Variants in SIL1 observed in about 807,000 individuals in gnomAD.
SIL1 encodes the protein SIL1 nucleotide exchange factor.
SIL1 carries 40 observed loss-of-function variants against 49.1 expected under a neutral mutation model. That is an observed-to-expected ratio of 0.81 (90% CI 0.63 to 1.06). SIL1 has a LOEUF of 1.06. SIL1 is among the 50% of genes least tolerant of loss of function. The pLI, the probability that SIL1 is intolerant of heterozygous loss-of-function variation, is 0.00. For missense variants in SIL1, 500 were observed against 572.6 expected, an observed-to-expected ratio of 0.87 and a Z score of 1.29; for synonymous variants, 253 against 250.8, an observed-to-expected ratio of 1.01 and a Z score of -0.08.
intron 7 of SIL1, among the ~76,000 whole-genome samples, chr5:139,001,903 A>G (rs1055310714): frequency 4.2e-5 from 6 of 142,940 alleles, no homozygotes; most frequent in Non-Finnish European, 9.3e-5. Flanking sequence ...GACTCCGTCT[A>G]AAAAAAAAAA....
intron 3 of SIL1, among the ~76,000 whole-genome samples, chr5:139,106,252 T>C (rs1315603624): frequency 6.6e-6 from 1 of 152,270 alleles, no homozygotes. Flanking sequence ...TTGGGGCCAC[T>C]GGCTATTCAA....
At chr5:139,140,614 A>G (rs981826144) in intron 1 of SIL1, among the ~76,000 whole-genome samples, 1 of 152,166 alleles carries the variant, frequency 6.6e-6, no homozygotes, top group Non-Finnish European at 1.5e-5. Flanking sequence ...ATGCCTCTCA[A>G]CACAGCTCAG....
intron 7 of SIL1, among the ~76,000 whole-genome samples, chr5:138,998,616 C>T: frequency 6.6e-6 from 1 of 152,174 alleles, no homozygotes. Flanking sequence ...ACAAGTGTCT[C>T]ACATGGTGAC....
chr5:139,146,765 AC>A (rs890728773), intron 1 of SIL1, among the ~76,000 whole-genome samples: 41 of 152,224 alleles, frequency 2.7e-4, no homozygotes, highest in Admixed American at 2.4e-3. Context: ...TTTACCTTTA[AC>A]CTATTAATGT....
chr5:139,094,337 A>G (rs1258034204), intron 3 of SIL1, among the ~76,000 whole-genome samples: 5 of 152,344 alleles, frequency 3.3e-5, no homozygotes. Flanking sequence ...GTTATGAGCC[A>G]AGCACAGCCC....
At chr5:139,122,908 T>C (rs1324604285) in intron 2 of SIL1, among the ~76,000 whole-genome samples, 1 of 152,192 alleles carries the variant, frequency 6.6e-6, no homozygotes, top group East Asian at 1.9e-4. Flanking sequence ...CTTAAGATGC[T>C]GGAATAACTC....
At chr5:139,191,277 A>C (rs1051442338) in intron 1 of SIL1, among the ~76,000 whole-genome samples, 2 of 150,286 alleles carry the variant, frequency 1.3e-5, no homozygotes, top group African/African-American at 4.9e-5. Flanking sequence ...CAACTTACTT[A>C]TGAGCTGGCC....
chr5:139,193,780 A>C (rs1485372577), intron 1 of SIL1, among the ~76,000 whole-genome samples: 1 of 152,194 alleles, frequency 6.6e-6, no homozygotes, highest in Non-Finnish European at 1.5e-5. Context: ...TTTGGCACTA[A>C]AAGTCCCACA....
intron 7 of SIL1, among the ~76,000 whole-genome samples, chr5:139,002,034 A>G (rs1444314502): frequency 1.3e-5 from 2 of 152,090 alleles, no homozygotes; most frequent in Non-Finnish European, 2.9e-5. Context: ...AACATGGTGA[A>G]ACCCTGTCTC....
At chr5:139,174,937 C>CAAAAAAAAAAAA (rs56959325) in intron 1 of SIL1, among the ~76,000 whole-genome samples, 2 of 59,848 alleles carry the variant, frequency 3.3e-5, no homozygotes, top group Non-Finnish European at 5.8e-5. Flanking sequence ...GACTGTGTCT[C>CAAAAAAAAAAAA]AAAAAAAAAA....
At chr5:139,028,853 G>A (rs1369409979) in intron 5 of SIL1, among the ~76,000 whole-genome samples, 4 of 152,112 alleles carry the variant, frequency 2.6e-5, no homozygotes, top group Non-Finnish European at 5.9e-5. Context: ...CTAGAGAACT[G>A]TCCCACCATG....
chr5:139,162,907 C>G (rs1465688749), intron 1 of SIL1, among the ~76,000 whole-genome samples: 1 of 151,780 alleles, frequency 6.6e-6, no homozygotes, highest in African/African-American at 2.4e-5. Flanking sequence ...TCACTTTATA[C>G]CAGATAAAAG....
intron 1 of SIL1, among the ~76,000 whole-genome samples, chr5:139,138,702 G>T (rs570860974): frequency 6.6e-6 from 1 of 152,156 alleles, no homozygotes; most frequent in African/African-American, 2.4e-5. Context: ...ATGACATAGA[G>T]CATATAGCAC....
At chr5:139,086,649 G>A (rs955018700) in intron 3 of SIL1, among the ~76,000 whole-genome samples, 149 of 150,332 alleles carry the variant, frequency 9.9e-4, no homozygotes, top group African/African-American at 3.3e-3. Context: ...AAGCCACCGC[G>A]CCTGGCCATA....
At chr5:139,106,645 A>C (rs1023768269) in intron 3 of SIL1, among the ~76,000 whole-genome samples, 1 of 152,150 alleles carries the variant, frequency 6.6e-6, no homozygotes, top group Non-Finnish European at 1.5e-5. Context: ...ACTTTCCAGA[A>C]CCCCCGATAC....
At chr5:139,080,176 C>A (rs1282765646) in intron 3 of SIL1, among the ~76,000 whole-genome samples, 1 of 152,166 alleles carries the variant, frequency 6.6e-6, no homozygotes, top group South Asian at 2.1e-4. Context: ...GATTTTACCA[C>A]CCATTGGACA....
At chr5:139,093,759 A>G (rs1177220008) in intron 3 of SIL1, 1 of 152,154 alleles carries the variant, frequency 6.6e-6, no homozygotes, top group African/African-American at 2.4e-5. Context: ...CATTCCCACT[A>G]TCTTTACCCT....
chr5:138,973,228 G>A (rs918990915), intron 7 of SIL1, among the ~76,000 whole-genome samples: 1 of 145,908 alleles, frequency 6.9e-6, no homozygotes, highest in Non-Finnish European at 1.5e-5. Flanking sequence ...AAAAAAGGTT[G>A]TGTAAGAATA....
intron 3 of SIL1, among the ~76,000 whole-genome samples, chr5:139,095,265 CTTTTT>C (rs1172866470): frequency 7.6e-6 from 1 of 131,834 alleles, no homozygotes; most frequent in African/African-American, 2.9e-5. Context: ...TATTGGAATT[CTTTTT>C]TTTTTTTTTT....
Sources: allele counts gnomAD v4.1 joint callset (sites outside exome capture counted in the v4.1 genomes callset), GRCh38; gene constraint gnomAD v4.1.1; transcripts MANE v1.5; gene names NCBI Gene and HGNC (gene_info 2026-07-23, HGNC 2026-07-21).